The following RAPGEF4 variants were observed in gnomAD, a reference collection of about 807,000 sequenced individuals.
RAPGEF4 encodes the protein RAP guanine-nucleotide-exchange factor (GEF) 4.
Under a neutral mutation model 147.9 loss-of-function variants are expected in RAPGEF4, and 66 were observed. The ratio of observed to expected loss-of-function variants is 0.45; its 90% CI spans 0.37 to 0.55. RAPGEF4 has a LOEUF of 0.55. Ranked by LOEUF, RAPGEF4 falls within the 20% of genes least tolerant of loss-of-function variation. The pLI is 0.00. For synonymous variants in RAPGEF4, 419 were observed against 442.7 expected (o/e 0.95, Z 0.67); for missense variants, 1,071 against 1,257.3 (o/e 0.85, Z 2.24).
At chr2:172,961,044 T>C in intron 7 of RAPGEF4, 78 bp from the exon 8 acceptor site, 1 of 1,144,530 alleles carries the variant, frequency 8.7e-7, no homozygotes, top group Admixed American at 1.8e-5. Flanking sequence ...TGGAAAGTGG[T>C]TTCAGGATTT....
chr2:172,812,411 T>C (rs1421001320), intron 3 of RAPGEF4, among the ~76,000 whole-genome samples: 1 of 152,176 alleles, frequency 6.6e-6, no homozygotes, highest in Non-Finnish European at 1.5e-5. Flanking sequence ...GATAAAGGCA[T>C]GAGTCAGGTT....
At chr2:172,744,591 A>G (rs1456615720) in intron 1 of RAPGEF4, among the ~76,000 whole-genome samples, 14 of 152,204 alleles carry the variant, frequency 9.2e-5, no homozygotes, top group Non-Finnish European at 2.1e-4. Context: ...TTATAGATTC[A>G]TTGGGATTTT....
chr2:172,816,595 A>C (rs765127832), intron 4 of RAPGEF4, among the ~76,000 whole-genome samples: 1 of 152,148 alleles, frequency 6.6e-6, no homozygotes, highest in Non-Finnish European at 1.5e-5. Flanking sequence ...TCTTTCCCTT[A>C]GAGGAAAAAT....
At chr2:172,765,045 T>C (rs955426324) in intron 1 of RAPGEF4, among the ~76,000 whole-genome samples, 1 of 152,248 alleles carries the variant, frequency 6.6e-6, no homozygotes, top group Non-Finnish European at 1.5e-5. Flanking sequence ...ACAGTGTTTC[T>C]TCTGGAGACT....
intron 1 of RAPGEF4, chr2:172,744,088 A>G (rs1694553261): frequency 5.5e-6 from 1 of 180,278 alleles, no homozygotes; most frequent in African/African-American, 2.4e-5. Context: ...TTTATTTATG[A>G]TGTCATGACT....
At chr2:172,837,720 G>A (rs1022832517) in intron 4 of RAPGEF4, among the ~76,000 whole-genome samples, 14 of 152,150 alleles carry the variant, frequency 9.2e-5, no homozygotes, top group African/African-American at 2.6e-4. Context: ...GGTGTGCACC[G>A]CCTTGCCTGG....
chr2:172,831,265 A>AATTTTTTTTTTTTT (rs1491195850), intron 4 of RAPGEF4, among the ~76,000 whole-genome samples: 4 of 16,616 alleles, frequency 2.4e-4, no homozygotes, highest in Non-Finnish European at 4.6e-4. Context: ...CAGATAGAAA[A>AATTTTTTTTTTTTT]CTTTTTTTTT....
At chr2:172,791,477 A>T (rs1025809173) in intron 1 of RAPGEF4, among the ~76,000 whole-genome samples, 1 of 152,204 alleles carries the variant, frequency 6.6e-6, no homozygotes, top group Admixed American at 6.5e-5. Flanking sequence ...TTAGAGATTC[A>T]CAAAAGGATT....
intron 17 of RAPGEF4, among the ~76,000 whole-genome samples, chr2:173,009,528 C>T (rs1694808541): frequency 6.6e-6 from 1 of 151,980 alleles, no homozygotes; most frequent in Admixed American, 6.6e-5. Flanking sequence ...CAAAATGCTC[C>T]AAAATTCGAA....
At chr2:173,014,423 G>T in intron 17 of RAPGEF4, 41 bp from the exon 18 acceptor site, 1 of 1,611,322 alleles carries the variant, frequency 6.2e-7, no homozygotes, top group East Asian at 2.2e-5. Context: ...CATGTGAAAT[G>T]AGTGTGAAAT....
chr2:172,809,651 C>A (rs1379887903), intron 3 of RAPGEF4, among the ~76,000 whole-genome samples: 1 of 152,144 alleles, frequency 6.6e-6, no homozygotes, highest in Admixed American at 6.5e-5. Flanking sequence ...CTGCCTCACC[C>A]TCTTGAGTAG....
Position 172,804,333 on chromosome 2 carries a change from T to C in RAPGEF4, c.297+6720T>C, listed in dbSNP as rs186762309. Among the ~76,000 whole-genome samples, 585 of 152,308 alleles carry C rather than the reference T, an allele frequency of 3.8e-3. 2 individuals are homozygous for C. The highest frequency in any genetic ancestry group is 6.2e-3 in the Non-Finnish European group (419 of 68,026). On this transcript the variant is annotated intron_variant, in intron 3 of 30. Coordinates refer to ENST00000397081, the MANE Select transcript of RAPGEF4 (RefSeq NM_007023.4). Reference sequence around the variant, plus strand: ...AAAACACACAGCTTCTTCTGTGTAATTGGTCTAGCAAATTCTTCCTGAATT... The same window carrying C: ...AAAACACACAGCTTCTTCTGTGTAACTGGTCTAGCAAATTCTTCCTGAATT...
At chr2:172,827,718 G>A (rs979292992) in intron 4 of RAPGEF4, among the ~76,000 whole-genome samples, 4 of 152,076 alleles carry the variant, frequency 2.6e-5, no homozygotes, top group Admixed American at 6.5e-5. Flanking sequence ...CAAAATAACC[G>A]TACCATAAAT....
intron 15 of RAPGEF4, among the ~76,000 whole-genome samples, chr2:172,996,066 A>G (rs1693326379): frequency 1.3e-5 from 2 of 152,150 alleles, no homozygotes; most frequent in African/African-American, 2.4e-5. Context: ...AGTAACCCAT[A>G]TATGGATAAC....
At chr2:172,844,759 G>T (rs962109248) in intron 4 of RAPGEF4, among the ~76,000 whole-genome samples, 1 of 152,066 alleles carries the variant, frequency 6.6e-6, no homozygotes, top group Non-Finnish European at 1.5e-5. Context: ...GAAACCTAAG[G>T]CCTGTGTTTT....
At chr2:172,932,845 A>G (rs1056608896) in intron 6 of RAPGEF4, among the ~76,000 whole-genome samples, 10 of 152,244 alleles carry the variant, frequency 6.6e-5, no homozygotes, top group Non-Finnish European at 1.2e-4. Flanking sequence ...TTCGTGTTTT[A>G]AAATCTCTTG....
At position 172,911,015 on chromosome 2, in the gene RAPGEF4, C is replaced by T. The variant is rs146474818; in HGVS notation, c.445-6787C>T. On this transcript the variant is annotated intron_variant, in intron 4 of 30. Transcript: ENST00000397081. ...GTGTTATATTCATCTTTAGAAAAGG[C>T]AGGCTGCCTCAGTCCACTGTCTGGC... Among the ~76,000 whole-genome samples, 949 of 152,296 alleles carry T rather than the reference C, an allele frequency of 6.2e-3. 6 individuals are homozygous for T. The highest frequency in any genetic ancestry group is 0.021 in the African/African-American group (859 of 41,556).
At chr2:172,944,724 G>T (rs929116459) in intron 6 of RAPGEF4, among the ~76,000 whole-genome samples, 11 of 152,140 alleles carry the variant, frequency 7.2e-5, no homozygotes, top group Admixed American at 3.3e-4. Context: ...TTCTCGAAGA[G>T]ATACTGTGAA....
intron 1 of RAPGEF4, among the ~76,000 whole-genome samples, chr2:172,755,778 C>T (rs151021898): frequency 1.3e-4 from 20 of 152,260 alleles, no homozygotes; most frequent in African/African-American, 4.1e-4. Context: ...TAATCTTCAC[C>T]GCCAAGGGTA....
Sources: allele counts gnomAD v4.1 joint callset (sites outside exome capture counted in the v4.1 genomes callset), GRCh38; gene constraint gnomAD v4.1.1; transcripts MANE v1.5; gene names NCBI Gene and HGNC (gene_info 2026-07-23, HGNC 2026-07-21).